The following SIAH3 variants were observed in gnomAD, a reference collection of about 807,000 sequenced individuals.
The protein encoded by SIAH3 is siah E3 ubiquitin protein ligase family member 3.
A neutral mutation model predicts 12.6 loss-of-function variants in SIAH3; 9 were observed. That is an observed-to-expected ratio of 0.72 (90% confidence interval 0.43 to 1.25). The LOEUF (loss-of-function observed/expected upper bound fraction) is 1.25. Ranked by LOEUF, SIAH3 falls within the 50% of genes most tolerant of loss-of-function variation. The pLI, the probability that SIAH3 is intolerant of heterozygous loss-of-function variation, is 0.00. For synonymous variants in SIAH3, 154 were observed against 151.1 expected (o/e 1.02, Z -0.14); for missense variants, 390 against 365.4 (o/e 1.07, Z -0.55).
Position 45,783,386 on chromosome 13 carries a change from C to A in SIAH3, c.807G>T (p.Met269Ile). Residue 269 changes from methionine to isoleucine, a missense_variant, in exon 2 of 2, where the codon ATG becomes ATT. Met to Ile is a conservative substitution (Grantham distance 10). Transcript: ENST00000400405. Reference protein sequence around the residue: ...ATEVLPSEAEM With the variant: ...ATEVLPSEAEI ...GGAGCATCCGTGGCTCCTGGCCTCA[C>A]ATTTCAGCTTCTGAGGGGAGGACCT... 6.2e-7 allele frequency: 1 copy of A among 1,607,010 alleles called. No individual in the cohort carries two copies.
chr13:45,791,298 T>C (rs937742537), intron 1 of SIAH3, among the ~76,000 whole-genome samples: 3 of 152,244 alleles, frequency 2.0e-5, no homozygotes, highest in Non-Finnish European at 4.4e-5. Context: ...GTCTGACATG[T>C]AGTAGACTCT....
intron 1 of SIAH3, among the ~76,000 whole-genome samples, chr13:45,825,761 G>A (rs1401476266): frequency 1.3e-5 from 2 of 152,148 alleles, no homozygotes; most frequent in African/African-American, 2.4e-5. Flanking sequence ...TGCACACTGG[G>A]CCCTCATATC....
chr13:45,835,618 T>C lies in SIAH3; in HGVS notation c.135+15877A>G, dbSNP rs554996721. 2.6e-5 allele frequency among the ~76,000 whole-genome samples: 4 copies of C among 152,308 alleles called. No individual in the cohort carries two copies. The South Asian group carries it at 8.3e-4, about 32-fold the overall frequency. On this transcript the variant is annotated intron_variant, in intron 1 of 1. Transcript: ENST00000400405. The stretch of plus-strand genomic sequence containing the variant: ...GCTAAACCTCAAGTCCAAAGTCACA[T>C]GGCTGGCAGCTGTAGAGGCAGTAGC...
rs568706652 is a variant in SIAH3 at position 45,833,760 on chromosome 13, G to T, written c.135+17735C>A. Reference sequence around the variant, plus strand: ...CATGACCTGCTGAAGGTCAGAGCTGGTAAGTGGCAGGGACAGGTCTGATTC... The same window carrying T: ...CATGACCTGCTGAAGGTCAGAGCTGTTAAGTGGCAGGGACAGGTCTGATTC... On this transcript the variant is annotated intron_variant, in intron 1 of 1. Coordinates refer to ENST00000400405, the MANE Select transcript of SIAH3 (RefSeq NM_198849.3). 4.6e-5 allele frequency among the ~76,000 whole-genome samples: 7 copies of T among 152,288 alleles called. No homozygotes were observed. The South Asian group carries it at 8.3e-4, about 18-fold the overall frequency.
At chr13:45,843,305 C>T (rs2137584555) in intron 1 of SIAH3, among the ~76,000 whole-genome samples, 1 of 152,216 alleles carries the variant, frequency 6.6e-6, no homozygotes, top group Non-Finnish European at 1.5e-5. Flanking sequence ...CATGCAGTTT[C>T]TGCCTCCATC....
intron 1 of SIAH3, among the ~76,000 whole-genome samples, chr13:45,841,568 G>T (rs1464160064): frequency 1.3e-5 from 2 of 152,164 alleles, no homozygotes; most frequent in African/African-American, 4.8e-5. Context: ...ACCAAGAAAT[G>T]ATTACAAGAT....
At chr13:45,834,026 G>A (rs994155727) in intron 1 of SIAH3, among the ~76,000 whole-genome samples, 1 of 151,898 alleles carries the variant, frequency 6.6e-6, no homozygotes, top group African/African-American at 2.4e-5. Context: ...AAAAAGAAGG[G>A]GAAAAAAAAG....
Position 45,832,504 on chromosome 13 carries a change from A to G in SIAH3, c.135+18991T>C, listed in dbSNP as rs60800992. Among the ~76,000 whole-genome samples the G allele has an allele frequency of 5.9e-3, 900 of 152,346 alleles. 15 individuals carry two copies. Among genetic ancestry groups the G allele is most frequent in the African/African-American group, 0.018 (745 of 41,574 alleles). Reference sequence around the variant, plus strand: ...AACATAATGTTTTCAGGGTTTACTCATGTAGGATGTCAGAATTTCATTCCT... The same window carrying G: ...AACATAATGTTTTCAGGGTTTACTCGTGTAGGATGTCAGAATTTCATTCCT... On this transcript the variant is annotated intron_variant, in intron 1 of 1. Transcript: ENST00000400405.
At position 45,843,617 on chromosome 13, in the gene SIAH3, T is replaced by C. The variant is rs2043554; in HGVS notation, c.135+7878A>G. Among the ~76,000 whole-genome samples the C allele has an allele frequency of 1.9e-3, 284 of 152,162 alleles. 6 individuals carry two copies. The highest frequency in any genetic ancestry group is 0.016 in the Admixed American group (252 of 15,284). On this transcript the variant is annotated intron_variant, in intron 1 of 1. Transcript: ENST00000400405. ...CTTCCAGGCTCAGAGCCCAGTGGGG[T>C]TCCGTGCTTTCTTTGAAGCTAAACA...
At chr13:45,825,290 A>G (rs1360274530) in intron 1 of SIAH3, among the ~76,000 whole-genome samples, 1 of 152,204 alleles carries the variant, frequency 6.6e-6, no homozygotes, top group Non-Finnish European at 1.5e-5. Context: ...CCAAGCTCCT[A>G]GCCAAATCTC....
intron 1 of SIAH3, among the ~76,000 whole-genome samples, chr13:45,787,552 T>A (rs1950532325): frequency 6.6e-6 from 1 of 152,034 alleles, no homozygotes; most frequent in African/African-American, 2.4e-5. Context: ...AAGGGTGAAT[T>A]CTCTAGCAGA....
At chr13:45,838,496 CG>C (rs1472739998) in intron 1 of SIAH3, among the ~76,000 whole-genome samples, 3 of 152,102 alleles carry the variant, frequency 2.0e-5, no homozygotes, top group Non-Finnish European at 2.9e-5. Context: ...GCACAGGGCA[CG>C]GGGGTGGCAG....
At chr13:45,823,578 C>G (rs1184028428) in intron 1 of SIAH3, among the ~76,000 whole-genome samples, 1 of 152,212 alleles carries the variant, frequency 6.6e-6, no homozygotes, top group Non-Finnish European at 1.5e-5. Context: ...AATGTAAACT[C>G]TCAGCCCTAG....
At chr13:45,836,460 CT>C (rs1262047151) in intron 1 of SIAH3, among the ~76,000 whole-genome samples, 1 of 152,136 alleles carries the variant, frequency 6.6e-6, no homozygotes, top group Non-Finnish European at 1.5e-5. Flanking sequence ...AGATCGTGTC[CT>C]TTGCAGGGAC....
rs1950515255 is a variant in SIAH3, at chr13:45,783,838, G to A, written c.355C>T (p.Arg119Cys). The change falls in exon 2 of 2, where the codon CGC (arginine) becomes TGC (cysteine). Residue 119 changes from arginine (R) to cysteine (C), a missense_variant. Arg to Cys is a radical substitution (Grantham distance 180). Coordinates refer to ENST00000400405, the MANE Select transcript of SIAH3 (RefSeq NM_198849.3). ...CPLFSCQWEG[R>C]LEVVVPHLRQ... ...AGGTGGGGCACCACCACCTCCAGGCGGCCTTCCCACTGGCAGGAGAACAAG... is the reference window on the plus strand; with the variant it reads ...AGGTGGGGCACCACCACCTCCAGGCAGCCTTCCCACTGGCAGGAGAACAAG... 3 of 1,613,992 alleles carry A rather than the reference G, an allele frequency of 1.9e-6. No homozygotes were observed. Among genetic ancestry groups the A allele is most frequent in the East Asian group, 2.2e-5 (1 of 44,892 alleles).
chr13:45,832,239 C>G (rs983423169), intron 1 of SIAH3, among the ~76,000 whole-genome samples: 1 of 152,210 alleles, frequency 6.6e-6, no homozygotes, highest in Admixed American at 6.5e-5. Flanking sequence ...TGTAAGCGTA[C>G]AATTCAGTGG....
intron 1 of SIAH3, among the ~76,000 whole-genome samples, chr13:45,813,861 C>G (rs1950624545): frequency 6.6e-6 from 1 of 152,044 alleles, no homozygotes; most frequent in South Asian, 2.1e-4. Flanking sequence ...CTCATCTAAA[C>G]CCACCTACCT....
At chr13:45,842,128 T>C (rs1950742296) in intron 1 of SIAH3, among the ~76,000 whole-genome samples, 1 of 152,208 alleles carries the variant, frequency 6.6e-6, no homozygotes, top group African/African-American at 2.4e-5. Context: ...AGCATGGTCC[T>C]CAGCAGGTAT....
At chr13:45,831,089 G>T (rs913844061) in intron 1 of SIAH3, among the ~76,000 whole-genome samples, 1 of 152,016 alleles carries the variant, frequency 6.6e-6, no homozygotes, top group Non-Finnish European at 1.5e-5. Flanking sequence ...TGAGGCAAGA[G>T]AATAGCTTGA....
Sources: allele counts gnomAD v4.1 joint callset (sites outside exome capture counted in the v4.1 genomes callset), GRCh38; gene constraint gnomAD v4.1.1; transcripts MANE v1.5; gene names NCBI Gene and HGNC (gene_info 2026-07-23, HGNC 2026-07-21).